RNF4: variants seen among roughly 807,000 people sequenced by gnomAD.
RNF4 encodes the protein ring finger protein 4, also known as E3 ubiquitin-protein ligase RNF4.
RNF4 carries 7 observed loss-of-function variants against 24.3 expected under a neutral mutation model. That is an observed-to-expected ratio of 0.29 (90% CI 0.16 to 0.54). RNF4 has a LOEUF of 0.54. Ranked by LOEUF, RNF4 falls within the 20% of genes least tolerant of loss-of-function variation. The pLI, the probability that RNF4 is intolerant of heterozygous loss-of-function variation, is 0.95. For missense variants in RNF4, 209 were observed against 248.5 expected, an observed-to-expected ratio of 0.84 and a Z score of 1.07; for synonymous variants, 83 against 84.3, an observed-to-expected ratio of 0.98 and a Z score of 0.09.
chr4:2,511,828 G>T, intron 4 of RNF4, 128 bp from the exon 5 acceptor site: 1 of 885,240 alleles, frequency 1.1e-6, no homozygotes. Context: ...AGGAGGGTGG[G>T]GCCTCTGCTG....
At chr4:2,495,015 T>G (rs1735690993) in intron 2 of RNF4, among the ~76,000 whole-genome samples, 1 of 152,214 alleles carries the variant, frequency 6.6e-6, no homozygotes, top group African/African-American at 2.4e-5. Flanking sequence ...TACTTTACTT[T>G]TTACATAAGC....
intron 1 of RNF4, chr4:2,480,654 AT>A (rs1735219387): frequency 6.6e-6 from 1 of 152,144 alleles, no homozygotes; most frequent in South Asian, 2.1e-4. Context: ...CATGATAAGT[AT>A]TTGATAAGTT....
chr4:2,507,781 T>C (rs1422950049), intron 4 of RNF4, among the ~76,000 whole-genome samples: 1 of 152,180 alleles, frequency 6.6e-6, no homozygotes, highest in Non-Finnish European at 1.5e-5. Flanking sequence ...CTCTGACCTA[T>C]GGACTGTTGT....
intron 1 of RNF4, among the ~76,000 whole-genome samples, chr4:2,477,430 C>A (rs1337497922): frequency 2.0e-5 from 3 of 152,050 alleles, no homozygotes; most frequent in Admixed American, 6.6e-5. Flanking sequence ...ACTAAAAATA[C>A]AAAAATTAGC....
intron 1 of RNF4, among the ~76,000 whole-genome samples, chr4:2,470,817 C>G (rs1488061650): frequency 8.2e-6 from 1 of 121,410 alleles, no homozygotes; most frequent in Non-Finnish European, 1.6e-5. Context: ...TTGTGTTTTG[C>G]AAATACTGCC....
intron 4 of RNF4, among the ~76,000 whole-genome samples, chr4:2,506,580 T>C (rs78443729): frequency 2.2e-4 from 33 of 151,620 alleles, no homozygotes; most frequent in South Asian, 8.4e-4. Flanking sequence ...TCTTTTTTTT[T>C]CCCTTGAAAC....
At chr4:2,509,770 G>T (rs551928375) in intron 4 of RNF4, among the ~76,000 whole-genome samples, 3 of 152,252 alleles carry the variant, frequency 2.0e-5, no homozygotes, top group Non-Finnish European at 4.4e-5. Context: ...CTCAGTACGC[G>T]CACTGTCATG....
At chr4:2,497,153 G>C in intron 3 of RNF4, 32 bp downstream of exon 3, 1 of 1,521,344 alleles carries the variant, frequency 6.6e-7, no homozygotes, top group Non-Finnish European at 9.0e-7. Flanking sequence ...CAACTGTGGG[G>C]TGTTAAAGTG....
chr4:2,484,038 G>T (rs149182348), intron 1 of RNF4, among the ~76,000 whole-genome samples: 1 of 104,318 alleles, frequency 9.6e-6, no homozygotes, highest in Non-Finnish European at 1.8e-5. Context: ...TATTGTTCAG[G>T]CTGGTCTCGA....
At position 2,512,229 on chromosome 4, in the gene RNF4, C is replaced by G; in HGVS notation, c.215-209C>G. Reference sequence around the variant, plus strand: ...TTTGGAGAAGGCTGGTAGCTCACAGCAGGGGTTGGGGGGTTTCTCCTGGGA... The same window carrying G: ...TTTGGAGAAGGCTGGTAGCTCACAGGAGGGGTTGGGGGGTTTCTCCTGGGA... On this transcript the variant is annotated intron_variant, in intron 5 of 7. Transcript: ENST00000314289. The surrounding 1 kb of genome is among the most constrained non-coding windows in gnomAD (Gnocchi z 4.1). The G allele has an allele frequency of 3.0e-6, 2 of 670,366 alleles. No individual in the cohort carries two copies. The highest frequency in any genetic ancestry group is 3.8e-5 in the South Asian group (2 of 52,564). The allele number at this position is 670,366 out of a possible 1,614,324, so 41.5% of individuals were successfully genotyped here.
rs537601635 is a variant in RNF4 at position 2,497,323 on chromosome 4, G to A, written c.124+202G>A. 9.0e-6 allele frequency: 4 copies of A among 442,878 alleles called. No homozygotes were observed. In the South Asian group the frequency reaches 1.6e-4, roughly 18 times the overall value. 27.4% of individuals were successfully genotyped at this position (442,878 alleles called of 1,614,324 possible). Reference sequence around the variant, plus strand: ...TGTTCAACTCTGGTAATGTGCAGCAGTGGGGTAGGATCCATTTAAAAAAAA... The same window carrying A: ...TGTTCAACTCTGGTAATGTGCAGCAATGGGGTAGGATCCATTTAAAAAAAA... On this transcript the variant is annotated intron_variant, in intron 3 of 7. Transcript: ENST00000314289.
At chr4:2,470,247 T>G (rs4974695) in intron 1 of RNF4, among the ~76,000 whole-genome samples, 1 of 152,046 alleles carries the variant, frequency 6.6e-6, no homozygotes, top group African/African-American at 2.4e-5. Context: ...GCCAGCTATT[T>G]GGCAGCAGAT....
chr4:2,488,812 TTTTA>T (rs377402803), intron 1 of RNF4, among the ~76,000 whole-genome samples: 1 of 151,830 alleles, frequency 6.6e-6, no homozygotes, highest in Non-Finnish European at 1.5e-5. Flanking sequence ...TATTTTCATT[TTTTA>T]TTTATTTATT....
intron 2 of RNF4, among the ~76,000 whole-genome samples, chr4:2,491,567 G>C (rs1560406222): frequency 6.6e-6 from 1 of 151,908 alleles, no homozygotes; most frequent in Admixed American, 6.6e-5. Flanking sequence ...CTCAGCCTCC[G>C]GAGTAGCTTG....
intron 1 of RNF4, among the ~76,000 whole-genome samples, chr4:2,473,528 C>A (rs921379307): frequency 6.6e-6 from 1 of 151,630 alleles, no homozygotes; most frequent in Non-Finnish European, 1.5e-5. Context: ...AGAAGTAGAG[C>A]CTGGCCGGGC....
intron 2 of RNF4, among the ~76,000 whole-genome samples, chr4:2,494,076 C>T (rs1001493310): frequency 6.6e-6 from 1 of 152,004 alleles, no homozygotes; most frequent in East Asian, 1.9e-4. Flanking sequence ...CTCCTGACCT[C>T]GTGATCCACG....
At chr4:2,501,489 A>G (rs1401616762) in intron 4 of RNF4, among the ~76,000 whole-genome samples, 1 of 152,210 alleles carries the variant, frequency 6.6e-6, no homozygotes, top group Non-Finnish European at 1.5e-5. Flanking sequence ...GGACGTGTGT[A>G]TACGTGTCCT....
intron 1 of RNF4, among the ~76,000 whole-genome samples, chr4:2,484,067 T>TCCCCCCCCCCC (rs56727538): frequency 7.5e-5 from 1 of 13,280 alleles, no homozygotes; most frequent in Non-Finnish European, 1.6e-4. Context: ...CCTCAGGTGA[T>TCCCCCCCCCCC]CCCCCCCCGC....
At position 2,470,634 on chromosome 4, in the gene RNF4, C is replaced by T. The variant is rs59073339; in HGVS notation, c.-158+1376C>T. On this transcript the variant is annotated intron_variant, in intron 1 of 7. Transcript: ENST00000314289. ...TATTTCTTTTTATATAATGTATGCA[C>T]ATCTGTGCTTTGTACATAAAATGAG... is the stretch of plus-strand genomic sequence containing the variant. Among the ~76,000 whole-genome samples the T allele has an allele frequency of 4.6e-3, 701 of 152,274 alleles. 44 individuals are homozygous for T. In the East Asian group the frequency reaches 0.11, roughly 25 times the overall value.
Sources: allele counts gnomAD v4.1 joint callset (sites outside exome capture counted in the v4.1 genomes callset), GRCh38; gene constraint gnomAD v4.1.1; non-coding constraint Gnocchi (gnomAD v3.1); transcripts MANE v1.5; gene names NCBI Gene and HGNC (gene_info 2026-07-23, HGNC 2026-07-21).